TMCO1: variants seen among roughly 807,000 people sequenced by gnomAD.
TMCO1 encodes transmembrane and coiled-coil domains 1.
TMCO1 carries 29 observed loss-of-function variants against 29.3 expected under a neutral mutation model. The observed-to-expected ratio is 0.99, with a 90% confidence interval of 0.74 to 1.35. TMCO1 has a LOEUF of 1.35. TMCO1 is among the 40% of genes most tolerant of loss of function. TMCO1 has a pLI of 0.00. For synonymous variants in TMCO1, 80 were observed against 77.1 expected (o/e 1.04, Z -0.20); for missense variants, 173 against 225.5 (o/e 0.77, Z 1.49).
chr1:165,763,826 C>T (rs1238844601), intron 2 of TMCO1, among the ~76,000 whole-genome samples: 2 of 152,106 alleles, frequency 1.3e-5, no homozygotes, highest in African/African-American at 4.8e-5. Flanking sequence ...GGGGTTTTGC[C>T]ATGTTGCCCA....
At chr1:165,744,251 A>G (rs934452556) in intron 5 of TMCO1, among the ~76,000 whole-genome samples, 2 of 152,172 alleles carry the variant, frequency 1.3e-5, no homozygotes, top group Non-Finnish European at 2.9e-5. Flanking sequence ...TATTTCTTTA[A>G]GTGCACTTAC....
Position 165,728,113 on chromosome 1 carries a change from C to T in TMCO1, c.477G>A (p.Gln159=), listed in dbSNP as rs1306014668. 1.9e-6 allele frequency: 3 copies of T among 1,607,288 alleles called. No individual in the cohort carries two copies. In the African/African-American group the frequency reaches 4.0e-5, roughly 21 times the overall value. The part of the protein sequence containing the change: ...LCTMSIRQNI[Q]KILGLAPSRA... Reference sequence around the variant, plus strand: ...GTGAAGGGGCAAGGCCGAGAATCTTCTGAATGTTCTGTGAAGAAAGCACAG... The same window carrying T: ...GTGAAGGGGCAAGGCCGAGAATCTTTTGAATGTTCTGTGAAGAAAGCACAG... The change falls in exon 7 of 7, where the codon CAG becomes CAA. Residue 159 remains glutamine, a synonymous_variant. Coordinates refer to ENST00000367881, the MANE Select transcript of TMCO1 (RefSeq NM_019026.6).
chr1:165,728,723 T>C (rs1177210875), intron 6 of TMCO1, among the ~76,000 whole-genome samples: 1 of 152,100 alleles, frequency 6.6e-6, no homozygotes, highest in Non-Finnish European at 1.5e-5. Flanking sequence ...ATATGAAGAA[T>C]ATTCATTAGC....
chr1:165,759,918 A>G (rs1020247466), intron 2 of TMCO1, among the ~76,000 whole-genome samples: 1 of 152,210 alleles, frequency 6.6e-6, no homozygotes, highest in African/African-American at 2.4e-5. Context: ...ATTCTCTCAG[A>G]TAACTAGGGT....
downstream of TMCO1, chr1:165,725,469 T>A (rs1448152191): frequency 8.8e-6 from 4 of 454,032 alleles, no homozygotes; most frequent in African/African-American, 8.0e-5. Flanking sequence ...AACTCAGGTT[T>A]ACTGTCATTT....
chr1:165,726,155 TTTC>T (rs60185653), downstream of TMCO1: 6 of 694,546 alleles, frequency 8.6e-6, no homozygotes, highest in African/African-American at 8.8e-5. Flanking sequence ...TGGGCATCAT[TTTC>T]TTCATTATCA....
rs146300218 is a variant in TMCO1 at position 165,728,625 on chromosome 1, C to T, written c.469-504G>A. ...CATAGAACAGTAAAAGCCTTCCTTACCTGATGAGACCTTGGTCTACTAATG... is the reference window on the plus strand; with the variant it reads ...CATAGAACAGTAAAAGCCTTCCTTATCTGATGAGACCTTGGTCTACTAATG... On this transcript the variant is annotated intron_variant, in intron 6 of 6. Transcript: ENST00000367881. 5.6e-3 allele frequency among the ~76,000 whole-genome samples: 847 copies of T among 152,170 alleles called. 7 individuals carry two copies. The highest frequency in any genetic ancestry group is 7.3e-3 in the Non-Finnish European group (498 of 67,996).
chr1:165,756,942 C>T (rs1373577084), intron 3 of TMCO1, among the ~76,000 whole-genome samples: 1 of 151,906 alleles, frequency 6.6e-6, no homozygotes, highest in East Asian at 1.9e-4. Flanking sequence ...AGGATCAGTA[C>T]ATAAAAATAC....
At chr1:165,764,357 T>C (rs1652498688) in intron 2 of TMCO1, among the ~76,000 whole-genome samples, 1 of 152,152 alleles carries the variant, frequency 6.6e-6, no homozygotes, top group South Asian at 2.1e-4. Context: ...TACAGTTTTG[T>C]TGAGGAGAGA....
At chr1:165,746,365 C>T (rs999279856) in intron 5 of TMCO1, among the ~76,000 whole-genome samples, 11 of 149,700 alleles carry the variant, frequency 7.3e-5, no homozygotes, top group African/African-American at 2.7e-4. Flanking sequence ...TTATAAGAAA[C>T]CTGATTATAA....
downstream of TMCO1, chr1:165,726,460 T>C (rs1318257252): frequency 3.6e-6 from 2 of 561,826 alleles, no homozygotes; most frequent in East Asian, 4.0e-5. Flanking sequence ...GGCTGTAATA[T>C]AGAGCTTGAC....
intron 5 of TMCO1, among the ~76,000 whole-genome samples, chr1:165,746,208 C>G (rs1479711402): frequency 6.6e-6 from 1 of 150,660 alleles, no homozygotes; most frequent in Non-Finnish European, 1.5e-5. Flanking sequence ...ACTTGGGAGG[C>G]TGAGGCAGAA....
chr1:165,739,277 C>T (rs187945181), intron 6 of TMCO1, among the ~76,000 whole-genome samples: 35 of 152,264 alleles, frequency 2.3e-4, no homozygotes, highest in Admixed American at 1.9e-3. Context: ...AACAGTTTGC[C>T]GATCCGCACT....
chr1:165,728,219 G>T, intron 6 of TMCO1, 98 bp from the exon 7 acceptor site: 1 of 876,396 alleles, frequency 1.1e-6, no homozygotes, highest in Non-Finnish European at 1.8e-6. Flanking sequence ...TACTCATATA[G>T]ATTAAAGGAA....
At chr1:165,754,421 T>C in intron 3 of TMCO1, 147 bp from the exon 4 acceptor site, 1 of 644,582 alleles carries the variant, frequency 1.6e-6, no homozygotes, top group Non-Finnish European at 2.8e-6. Context: ...TAGTATACGT[T>C]TTGTACTCAG....
intron 3 of TMCO1, among the ~76,000 whole-genome samples, chr1:165,758,935 A>G (rs556723393): frequency 1.3e-5 from 2 of 152,344 alleles, no homozygotes; most frequent in Admixed American, 6.5e-5. Flanking sequence ...ACAATCTCAT[A>G]ATAATTTTTT....
At chr1:165,731,433 C>A (rs895037513) in intron 6 of TMCO1, among the ~76,000 whole-genome samples, 3 of 152,048 alleles carry the variant, frequency 2.0e-5, no homozygotes, top group African/African-American at 7.2e-5. Flanking sequence ...ACATATTTGT[C>A]TAGTTAACAA....
At chr1:165,726,026 C>T, downstream of TMCO1, 1 of 687,808 alleles carries the variant, frequency 1.5e-6, no homozygotes, top group East Asian at 2.7e-5. Flanking sequence ...ACTTCAAAGC[C>T]TCAGGGTATG....
chr1:165,731,073 G>T (rs901891763), intron 6 of TMCO1, among the ~76,000 whole-genome samples: 3 of 151,960 alleles, frequency 2.0e-5, no homozygotes, highest in Admixed American at 6.6e-5. Context: ...CTAATTTTTT[G>T]TATTTTTAGT....
Sources: allele counts gnomAD v4.1 joint callset (sites outside exome capture counted in the v4.1 genomes callset), GRCh38; gene constraint gnomAD v4.1.1; transcripts MANE v1.5; gene names NCBI Gene and HGNC (gene_info 2026-07-23, HGNC 2026-07-21).